HK1: variants seen among roughly 807,000 people sequenced by gnomAD.
HK1 encodes the protein hexokinase 1, also known as hexokinase-1.
Under a neutral mutation model 91.6 loss-of-function variants are expected in HK1, and 28 were observed. The observed-to-expected ratio is 0.31, with a 90% CI of 0.23 to 0.42. The LOEUF (loss-of-function observed/expected upper bound fraction) is 0.42, where lower values mean the gene tolerates loss of function less well. Among genes scored for constraint, HK1 ranks in the 10% least tolerant of loss-of-function variants. The pLI is 1.00. For synonymous variants in HK1, 430 were observed against 468.1 expected (o/e 0.92, Z 1.05); for missense variants, 770 against 1,219.8 (o/e 0.63, Z 5.49).
At chr10:69,384,646 G>A in intron 11 of HK1, 150 bp from the exon 12 acceptor site, 1 of 1,410,764 alleles carries the variant, frequency 7.1e-7, no homozygotes, top group Non-Finnish European at 1.0e-6. Context: ...ACACTCTGGT[G>A]GCTGAGAAGA....
chr10:69,344,074 C>G (rs1848429217), intron 2 of HK1, 85 bp downstream of exon 2: 1 of 1,365,796 alleles, frequency 7.3e-7, no homozygotes, highest in Non-Finnish European at 1.0e-6. Flanking sequence ...CATACATTTG[C>G]TCATTCATTC....
chr10:69,397,740 C>G (rs1840205137), intron 16 of HK1, among the ~76,000 whole-genome samples: 1 of 152,112 alleles, frequency 6.6e-6, no homozygotes, highest in African/African-American at 2.4e-5. Flanking sequence ...CTTCATTGTA[C>G]CATCCCAGTT....
chr10:69,339,624 T>C (rs1447588247), intron 1 of HK1, among the ~76,000 whole-genome samples: 1 of 152,244 alleles, frequency 6.6e-6, no homozygotes, highest in Non-Finnish European at 1.5e-5. Context: ...TTAGCTTGGT[T>C]GTCCTGAAAC....
chr10:69,311,262 C>T (rs1294749038), upstream of HK1, among the ~76,000 whole-genome samples: 1 of 152,192 alleles, frequency 6.6e-6, no homozygotes, highest in Non-Finnish European at 1.5e-5. Flanking sequence ...GTATGTCTGA[C>T]ACCCCCATTC....
chr10:69,351,746 G>A (rs67194404), intron 2 of HK1, among the ~76,000 whole-genome samples: 16,458 of 152,104 alleles, frequency 0.11, 1,470 homozygotes, highest in African/African-American at 0.24. Flanking sequence ...CTGGTTGTGC[G>A]TTTGGGCAAG....
chr10:69,324,806 G>T (rs886970627), intron 1 of HK1, among the ~76,000 whole-genome samples: 1 of 152,090 alleles, frequency 6.6e-6, no homozygotes, highest in Non-Finnish European at 1.5e-5. Flanking sequence ...AGCAGGACAG[G>T]TGCCCACTGC....
intron 2 of HK1, among the ~76,000 whole-genome samples, chr10:69,345,122 G>T (rs1224083589): frequency 6.6e-6 from 1 of 152,114 alleles, no homozygotes; most frequent in African/African-American, 2.4e-5. Flanking sequence ...AGCAGGAAAA[G>T]ACCTCTGCTC....
chr10:69,298,903 A>G (rs751542156), intron 4 of HK1, among the ~76,000 whole-genome samples: 1 of 151,746 alleles, frequency 6.6e-6, no homozygotes, highest in Non-Finnish European at 1.5e-5. Context: ...TGACACTACT[A>G]GGCCACCAAA....
intron 17 of HK1, 23 bp downstream of exon 17, chr10:69,398,851 A>G (rs1305531986): frequency 1.3e-6 from 2 of 1,565,970 alleles, no homozygotes; most frequent in Non-Finnish European, 1.8e-6. Flanking sequence ...TCCAGTTGGG[A>G]TGCGCAGAGC....
chr10:69,279,229 G>C (rs1055496408), intron 1 of HK1, among the ~76,000 whole-genome samples: 1 of 152,206 alleles, frequency 6.6e-6, no homozygotes, highest in East Asian at 1.9e-4. Flanking sequence ...GCTTTAGTCT[G>C]TCTCTTTCTA....
chr10:69,311,927 G>A (rs116044328), upstream of HK1, among the ~76,000 whole-genome samples: 2,130 of 152,214 alleles, frequency 0.014, 48 homozygotes, highest in African/African-American at 0.049. Flanking sequence ...GAGCCACCGC[G>A]CTCGGCCCAA....
intron 7 of HK1, among the ~76,000 whole-genome samples, chr10:69,373,589 G>GT (rs374262470): frequency 0.014 from 2,000 of 141,758 alleles, 23 homozygotes; most frequent in African/African-American, 0.031. Flanking sequence ...TTTCCTTGAG[G>GT]TTTTTTTTTT....
chr10:69,308,890 G>A (rs1305680824), intron 5 of HK1, among the ~76,000 whole-genome samples: 1 of 152,170 alleles, frequency 6.6e-6, no homozygotes, highest in Non-Finnish European at 1.5e-5. Context: ...ACAGAGCTGA[G>A]GCGGTAATGC....
At position 69,360,031 on chromosome 10, in the gene HK1, G is replaced by A. The variant is rs771221778; in HGVS notation, c.361G>A (p.Gly121Ser). ...TGACACCCCAGAGAACATCGTGCAC[G>A]GCAGTGGAAGCCAGGTGGGTCCCTG... ...VYDTPENIVH[G>S]SGSQLFDHVA... Residue 121 changes from glycine (G) to serine (S), a missense_variant, in exon 3 of 18, where the codon GGC (glycine) becomes AGC (serine). Around this residue, in one of 7 missense-constraint regions of HK1, gnomAD observed 449 missense variants for 665.1 expected, o/e 0.68. Transcript: ENST00000359426. 6.2e-7 allele frequency: 1 copy of A among 1,614,060 alleles called. No individual in the cohort carries two copies. The highest frequency in any genetic ancestry group is 1.3e-5 in the African/African-American group (1 of 75,050).
Position 69,401,377 on chromosome 10 carries a change from C to T in HK1, c.*242C>T. 1 of 591,196 alleles carries T rather than the reference C, an allele frequency of 1.7e-6. No homozygotes were observed. Among genetic ancestry groups the T allele is most frequent in the Non-Finnish European group, 3.0e-6 (1 of 330,570 alleles). 36.6% of individuals were successfully genotyped at this position (591,196 alleles called of 1,614,324 possible). On this transcript the variant is annotated 3_prime_UTR_variant, in exon 18 of 18. Coordinates refer to ENST00000359426, the MANE Select transcript of HK1 (RefSeq NM_000188.3). ...GCCACTTTGCATGGTTTGATTTTGA[C>T]CTGGTCCCCCACGTGTGAAGTGTAG...
chr10:69,290,318 CA>C (rs375961356), intron 3 of HK1, among the ~76,000 whole-genome samples: 202 of 152,246 alleles, frequency 1.3e-3, no homozygotes, highest in African/African-American at 4.3e-3. Flanking sequence ...AATACAAGCT[CA>C]AGGAGTTGCT....
chr10:69,325,529 T>A (rs1455468034), intron 1 of HK1, among the ~76,000 whole-genome samples: 1 of 148,388 alleles, frequency 6.7e-6, no homozygotes, highest in Non-Finnish European at 1.5e-5. Context: ...GGCCTGCATT[T>A]TTTTTTTTTT....
chr10:69,314,944 G>A (rs915394442), upstream of HK1, among the ~76,000 whole-genome samples: 2 of 152,200 alleles, frequency 1.3e-5, no homozygotes, highest in South Asian at 2.1e-4. Flanking sequence ...GGGATTACAG[G>A]CGTGAGCCAC....
At chr10:69,310,421 A>T (rs1252695940) in intron 5 of HK1, among the ~76,000 whole-genome samples, 1 of 77,210 alleles carries the variant, frequency 1.3e-5, no homozygotes, top group Non-Finnish European at 2.5e-5. Context: ...ACTTTGTCTC[A>T]AAAAAAAAAA....
Sources: gnomAD v4.1 joint callset for allele counts (sites outside exome capture counted in the v4.1 genomes callset) on GRCh38, gnomAD v4.1.1 for gene constraint, gnomAD v4.1.1 regional missense constraint, MANE v1.5 for transcripts, NCBI Gene and HGNC (gene_info 2026-07-23, HGNC 2026-07-21) for gene names.